The following NRG1 variants were observed in gnomAD, a reference collection of about 807,000 sequenced individuals.
NRG1 encodes pro-neuregulin-1, membrane-bound isoform.
NRG1 carries 18 observed loss-of-function variants against 63.8 expected under a neutral mutation model. That is an observed-to-expected ratio of 0.28 (90% CI 0.19 to 0.42). NRG1 has a LOEUF of 0.42. Ranked by LOEUF, NRG1 falls within the 10% of genes least tolerant of loss-of-function variation. NRG1 has a pLI of 1.00. For synonymous variants in NRG1, 302 were observed against 301.3 expected, an observed-to-expected ratio of 1.00 and a Z score of -0.02; for missense variants, 762 against 814.7, an observed-to-expected ratio of 0.94 and a Z score of 0.79.
chr8:32,657,239 T>C (rs1359499953), intron 5 of NRG1, among the ~76,000 whole-genome samples: 1 of 151,894 alleles, frequency 6.6e-6, no homozygotes, highest in East Asian at 2.0e-4. Context: ...GTGTTGCCTG[T>C]ATTGGTGTAC....
intron 1 of NRG1, among the ~76,000 whole-genome samples, chr8:32,478,443 G>T (rs16879464): frequency 6.6e-6 from 1 of 152,162 alleles, no homozygotes; most frequent in African/African-American, 2.4e-5. Flanking sequence ...TGTAGGACAC[G>T]CCTATGCTAA....
chr8:31,920,576 G>A (rs1833816384), intron 1 of NRG1, among the ~76,000 whole-genome samples: 1 of 152,046 alleles, frequency 6.6e-6, no homozygotes, highest in East Asian at 1.9e-4. Flanking sequence ...GGATCCATCT[G>A]GCTCCTGGGA....
intron 1 of NRG1, among the ~76,000 whole-genome samples, chr8:32,144,432 G>C (rs946753521): frequency 1.3e-5 from 2 of 151,992 alleles, no homozygotes; most frequent in Admixed American, 6.6e-5. Flanking sequence ...TGCATGCCTA[G>C]TTGTAGCACT....
intron 1 of NRG1, among the ~76,000 whole-genome samples, chr8:31,778,371 A>T (rs1440879242): frequency 1.3e-5 from 2 of 151,938 alleles, no homozygotes; most frequent in Non-Finnish European, 2.9e-5. Context: ...TTCATTCCTT[A>T]TATATACCAG....
intron 1 of NRG1, among the ~76,000 whole-genome samples, chr8:31,723,274 A>AG (rs1813099978): frequency 1.3e-5 from 2 of 152,196 alleles, no homozygotes; most frequent in Admixed American, 1.3e-4. Flanking sequence ...TGTGTTAACC[A>AG]GGGGTAGGTA....
intron 1 of NRG1, among the ~76,000 whole-genome samples, chr8:32,182,984 A>AT (rs1841587470): frequency 6.6e-6 from 1 of 152,214 alleles, no homozygotes; most frequent in African/African-American, 2.4e-5. Context: ...AACTGTGAGG[A>AT]TAAATGAGGT....
chr8:32,393,695 A>G (rs1412316562), intron 1 of NRG1, among the ~76,000 whole-genome samples: 1 of 151,058 alleles, frequency 6.6e-6, no homozygotes, highest in Non-Finnish European at 1.5e-5. Context: ...GAATACATGG[A>G]CACATAGAGG....
chr8:32,030,955 A>G (rs1021569423), intron 1 of NRG1, among the ~76,000 whole-genome samples: 1 of 152,218 alleles, frequency 6.6e-6, no homozygotes, highest in Non-Finnish European at 1.5e-5. Context: ...ATACTTCCCC[A>G]GGTCAACTCA....
chr8:32,290,919 G>A (rs1404184282), intron 1 of NRG1, among the ~76,000 whole-genome samples: 1 of 152,048 alleles, frequency 6.6e-6, no homozygotes, highest in Non-Finnish European at 1.5e-5. Flanking sequence ...GTGTGTGTGT[G>A]TGTGTGTGCA....
chr8:32,360,425 C>T (rs1587055982), intron 1 of NRG1, among the ~76,000 whole-genome samples: 1 of 152,240 alleles, frequency 6.6e-6, no homozygotes, highest in Non-Finnish European at 1.5e-5. Context: ...CAAAATCATT[C>T]TCAGATGTAG....
chr8:32,029,946 C>G (rs1448358398), intron 1 of NRG1, among the ~76,000 whole-genome samples: 1 of 151,922 alleles, frequency 6.6e-6, no homozygotes. Context: ...TCTCTGGACT[C>G]TAAATATTTT....
intron 1 of NRG1, among the ~76,000 whole-genome samples, chr8:31,879,874 A>G (rs1346083619): frequency 1.3e-5 from 2 of 152,166 alleles, no homozygotes; most frequent in African/African-American, 4.8e-5. Flanking sequence ...CCATATTCCC[A>G]CAAAATATAT....
chr8:32,472,487 A>G (rs1823978248), intron 1 of NRG1, among the ~76,000 whole-genome samples: 1 of 152,076 alleles, frequency 6.6e-6, no homozygotes, highest in African/African-American at 2.4e-5. Context: ...TTTATTCTTT[A>G]TTTTCCCTGA....
At chr8:32,658,772 G>A (rs753742779) in intron 5 of NRG1, among the ~76,000 whole-genome samples, 30 of 152,262 alleles carry the variant, frequency 2.0e-4, no homozygotes, top group East Asian at 3.9e-4. Context: ...CACTTCTGAT[G>A]TATAGTTCTG....
At chr8:32,486,944 T>C (rs1051661786) in intron 1 of NRG1, among the ~76,000 whole-genome samples, 5 of 152,164 alleles carry the variant, frequency 3.3e-5, no homozygotes, top group African/African-American at 1.2e-4. Flanking sequence ...TGGAACTTAA[T>C]GCCAACTCTC....
intron 1 of NRG1, among the ~76,000 whole-genome samples, chr8:32,221,515 C>T (rs1259284629): frequency 6.6e-6 from 1 of 152,130 alleles, no homozygotes; most frequent in East Asian, 1.9e-4. Flanking sequence ...AAGGCAAATA[C>T]ATAGATATTT....
Position 32,081,255 on chromosome 8 carries a change from CA to C in NRG1, c.37+441825del, listed in dbSNP as rs1827422504. On this transcript the variant is annotated intron_variant, in intron 1 of 10. Transcript: ENST00000519301. ...GCCATTCTTAATCTCCAAATGTGGT[CA>C]CATTCTGAGGAACTGGTGGTTAGAG... Among the ~76,000 whole-genome samples the C allele has an allele frequency of 7.2e-5, 11 of 152,230 alleles. No individual in the cohort carries two copies. In the South Asian group the frequency reaches 2.3e-3, roughly 32 times the overall value.
intron 5 of NRG1, among the ~76,000 whole-genome samples, chr8:32,659,293 C>A (rs547441083): frequency 6.6e-6 from 1 of 152,108 alleles, no homozygotes; most frequent in East Asian, 1.9e-4. Flanking sequence ...CAGGCATGCA[C>A]TATCATGCCT....
intron 1 of NRG1, among the ~76,000 whole-genome samples, chr8:31,819,092 G>A (rs1402851595): frequency 1.3e-5 from 2 of 151,972 alleles, no homozygotes; most frequent in African/African-American, 4.8e-5. Flanking sequence ...AGTTATTTGA[G>A]CCGGACACAG....
Sources: gnomAD v4.1 joint callset for allele counts (sites outside exome capture counted in the v4.1 genomes callset) on GRCh38, gnomAD v4.1.1 for gene constraint, MANE v1.5 for transcripts, NCBI Gene and HGNC (gene_info 2026-07-23, HGNC 2026-07-21) for gene names.